Variants in PPP1R12B observed in about 807,000 individuals in gnomAD.
PPP1R12B encodes myosin phosphatase target subunit 2.
In PPP1R12B, 76 loss-of-function variants were observed where a neutral mutation model predicts 126.1. That is an observed-to-expected ratio of 0.60 (90% CI 0.50 to 0.73). The LOEUF is 0.73. PPP1R12B is among the 30% of genes least tolerant of loss of function. The pLI, the probability that PPP1R12B is intolerant of heterozygous loss-of-function variation, is 0.00. For missense variants in PPP1R12B, 1,052 were observed against 1,205.1 expected, an observed-to-expected ratio of 0.87 and a Z score of 1.88; for synonymous variants, 356 against 434.7, an observed-to-expected ratio of 0.82 and a Z score of 2.25.
At chr1:202,452,050 C>T (rs1052592007) in intron 13 of PPP1R12B, among the ~76,000 whole-genome samples, 1 of 151,596 alleles carries the variant, frequency 6.6e-6, no homozygotes, top group Non-Finnish European at 1.5e-5. Flanking sequence ...GGCAGAGGCG[C>T]TCCTCACATC....
intron 18 of PPP1R12B, among the ~76,000 whole-genome samples, chr1:202,535,255 T>A (rs1199410914): frequency 2.0e-5 from 3 of 152,196 alleles, no homozygotes; most frequent in African/African-American, 7.2e-5. Flanking sequence ...CCAAACCATG[T>A]GTACAGCACC....
At chr1:202,398,635 G>T (rs1276336596) in intron 1 of PPP1R12B, among the ~76,000 whole-genome samples, 3 of 152,174 alleles carry the variant, frequency 2.0e-5, no homozygotes, top group Non-Finnish European at 4.4e-5. Context: ...CAGAGGGATT[G>T]TTGTGTCTGG....
chr1:202,472,038 C>A, intron 13 of PPP1R12B: 1 of 1,594,996 alleles, frequency 6.3e-7, no homozygotes, highest in Non-Finnish European at 8.5e-7. Context: ...GGAATTGGGG[C>A]TCTGCACCAG....
intron 10 of PPP1R12B, chr1:202,439,530 G>A: frequency 6.5e-7 from 1 of 1,529,170 alleles, no homozygotes. Context: ...TGCCTTGGGG[G>A]GTGTGGCGCT....
intron 1 of PPP1R12B, among the ~76,000 whole-genome samples, chr1:202,399,960 G>A (rs1477090481): frequency 2.0e-5 from 3 of 151,950 alleles, no homozygotes; most frequent in Non-Finnish European, 4.4e-5. Flanking sequence ...GTTAGCAAGT[G>A]TAGTACCCAA....
chr1:202,426,578 T>C (rs1669541004), intron 4 of PPP1R12B, among the ~76,000 whole-genome samples: 1 of 152,238 alleles, frequency 6.6e-6, no homozygotes. Context: ...AATTGAGTCT[T>C]CATTTTATTT....
At chr1:202,496,229 T>A (rs1572276353) in intron 17 of PPP1R12B, among the ~76,000 whole-genome samples, 1 of 152,214 alleles carries the variant, frequency 6.6e-6, no homozygotes, top group East Asian at 1.9e-4. Context: ...TATGCCAATG[T>A]TTACTAACTA....
chr1:202,348,780 G>A lies in PPP1R12B; in HGVS notation c.-72G>A. On this transcript the variant is annotated 5_prime_UTR_variant, in exon 1 of 24. Coordinates refer to ENST00000608999, the MANE Select transcript of PPP1R12B (RefSeq NM_002481.4). ...CGGGCTGAAGCGCTCTGAGAGAGGCGGCAGCGGCAACTCGAGCCCCAACAG... is the reference window on the plus strand; with the variant it reads ...CGGGCTGAAGCGCTCTGAGAGAGGCAGCAGCGGCAACTCGAGCCCCAACAG... The A allele has an allele frequency of 1.3e-6, 2 of 1,506,770 alleles. No individual in the cohort carries two copies. The highest frequency in any genetic ancestry group is 1.8e-6 in the Non-Finnish European group (2 of 1,130,446). 93.3% of individuals were successfully genotyped at this position (1,506,770 alleles called of 1,614,324 possible). A position where few individuals can be genotyped will look rare whatever the true frequency, so the allele number is the denominator to read the frequency against.
chr1:202,465,368 G>A (rs1237200125), intron 13 of PPP1R12B, among the ~76,000 whole-genome samples: 1 of 152,220 alleles, frequency 6.6e-6, no homozygotes, highest in East Asian at 1.9e-4. Context: ...ATATTTATTT[G>A]AAGGGAAAGT....
chr1:202,448,954 C>T, intron 12 of PPP1R12B, 35 bp from the exon 13 acceptor site: 2 of 1,600,648 alleles, frequency 1.2e-6, no homozygotes, highest in Non-Finnish European at 1.7e-6. Flanking sequence ...CATGCCTAAC[C>T]ATTTCCTTTC....
chr1:202,434,897 A>G (rs1670605051), intron 9 of PPP1R12B, 129 bp downstream of exon 9: 9 of 1,440,194 alleles, frequency 6.2e-6, no homozygotes, highest in South Asian at 5.5e-5. Context: ...ATCTGCTCCC[A>G]TAACAAAAAA....
At chr1:202,389,501 G>A (rs1468825170) in intron 1 of PPP1R12B, among the ~76,000 whole-genome samples, 8 of 152,060 alleles carry the variant, frequency 5.3e-5, no homozygotes, top group East Asian at 1.9e-4. Context: ...AAAATTAGCC[G>A]GGTGTGGTGG....
At chr1:202,557,608 C>T (rs1347783341) in intron 18 of PPP1R12B, among the ~76,000 whole-genome samples, 4 of 152,246 alleles carry the variant, frequency 2.6e-5, no homozygotes, top group East Asian at 3.9e-4. Context: ...TTTAGTCCAG[C>T]GGTATTTAAC....
intron 18 of PPP1R12B, among the ~76,000 whole-genome samples, chr1:202,515,629 T>C (rs1682053149): frequency 6.6e-6 from 1 of 152,150 alleles, no homozygotes; most frequent in Non-Finnish European, 1.5e-5. Context: ...CATGGTGTGA[T>C]CACGGGTCAC....
chr1:202,478,311 G>C lies in PPP1R12B; in HGVS notation c.1851-10222G>C, dbSNP rs567854229. Among the ~76,000 whole-genome samples the C allele has an allele frequency of 2.0e-3, 304 of 152,344 alleles. 1 individual carries two copies. Among genetic ancestry groups the C allele is most frequent in the African/African-American group, 7.0e-3 (291 of 41,584 alleles). On this transcript the variant is annotated intron_variant, in intron 13 of 23. Transcript: ENST00000608999. ...ATTTGGCCCAAGATCATAGTTTGCT[G>C]ACCAGCTGGTCTAGATTTTAGAAAG...
chr1:202,529,994 C>T (rs997803246), intron 18 of PPP1R12B, among the ~76,000 whole-genome samples: 1 of 152,126 alleles, frequency 6.6e-6, no homozygotes, highest in Non-Finnish European at 1.5e-5. Flanking sequence ...TATTTATAGT[C>T]TTAACAAAAA....
At chr1:202,363,222 G>T (rs1382923827) in intron 1 of PPP1R12B, among the ~76,000 whole-genome samples, 1 of 152,188 alleles carries the variant, frequency 6.6e-6, no homozygotes, top group Non-Finnish European at 1.5e-5. Context: ...GCCAGATGCT[G>T]TTGTATACTG....
chr1:202,567,733 C>T, intron 21 of PPP1R12B, 45 bp from the exon 22 acceptor site: 2 of 1,602,112 alleles, frequency 1.2e-6, no homozygotes, highest in African/African-American at 1.3e-5. Flanking sequence ...TCTACTGGCC[C>T]TTAGACAACT....
At chr1:202,422,787 A>G (rs902207621) in intron 3 of PPP1R12B, 49 bp downstream of exon 3, 2 of 1,609,904 alleles carry the variant, frequency 1.2e-6, no homozygotes, top group African/African-American at 1.3e-5. Flanking sequence ...AAACACTGCC[A>G]TTTACAGAAA....
Sources: gnomAD v4.1 joint callset for allele counts (sites outside exome capture counted in the v4.1 genomes callset) on GRCh38, gnomAD v4.1.1 for gene constraint, MANE v1.5 for transcripts, NCBI Gene and HGNC (gene_info 2026-07-23, HGNC 2026-07-21) for gene names.